CCN6: variants seen among roughly 807,000 people sequenced by gnomAD.
CCN6 encodes the protein CCN family member 6.
CCN6 carries 31 observed loss-of-function variants against 37.4 expected under a neutral mutation model. The observed-to-expected ratio is 0.83, with a 90% CI of 0.62 to 1.12. The LOEUF (loss-of-function observed/expected upper bound fraction) is 1.12. Ranked by LOEUF, CCN6 falls within the 50% of genes most tolerant of loss-of-function variation. The pLI is 0.00. For missense variants in CCN6, 369 were observed against 413.8 expected (o/e 0.89, Z 0.94); for synonymous variants, 137 against 142.1 (o/e 0.96, Z 0.26).
chr6:112,065,782 C>T (rs1262553544), intron 3 of CCN6, among the ~76,000 whole-genome samples: 1 of 152,038 alleles, frequency 6.6e-6, no homozygotes, highest in Non-Finnish European at 1.5e-5. Flanking sequence ...ACTTATAAAC[C>T]TTGTATTCTG....
chr6:112,058,572 G>C (rs1206014646), intron 1 of CCN6, among the ~76,000 whole-genome samples: 1 of 152,172 alleles, frequency 6.6e-6, no homozygotes, highest in Non-Finnish European at 1.5e-5. Context: ...GTGCAAGGCA[G>C]GGAAGTTATA....
At chr6:112,057,473 C>T (rs782515692) in intron 1 of CCN6, among the ~76,000 whole-genome samples, 8 of 152,090 alleles carry the variant, frequency 5.3e-5, no homozygotes, top group African/African-American at 9.7e-5. Context: ...TCTGGGAAGA[C>T]GAGGACAATA....
At position 112,054,238 on chromosome 6, in the gene CCN6, T is replaced by C; in HGVS notation, c.-120T>C. Reference sequence around the variant, plus strand: ...TTGGTAGTGTGGGAGGTAGAGGGTGTGTGTTCTTGTGCAGAGGAGCGTGGG... The same window carrying C: ...TTGGTAGTGTGGGAGGTAGAGGGTGCGTGTTCTTGTGCAGAGGAGCGTGGG... On this transcript the variant is annotated 5_prime_UTR_variant, in exon 1 of 5. Transcript: ENST00000368666. The C allele has an allele frequency of 3.7e-6, 5 of 1,336,228 alleles. No homozygotes were observed. The highest frequency in any genetic ancestry group is 4.3e-6 in the Non-Finnish European group (4 of 926,514). 82.8% of individuals were successfully genotyped at this position (1,336,228 alleles called of 1,614,324 possible).
At chr6:112,052,904 G>A (rs1776250238), upstream of CCN6, among the ~76,000 whole-genome samples, 1 of 152,206 alleles carries the variant, frequency 6.6e-6, no homozygotes, top group African/African-American at 2.4e-5. Flanking sequence ...TCTCTGTGGT[G>A]GAGGACAGCC....
At chr6:112,053,038 A>G (rs1416652357), upstream of CCN6, among the ~76,000 whole-genome samples, 1 of 152,180 alleles carries the variant, frequency 6.6e-6, no homozygotes, top group African/African-American at 2.4e-5. Context: ...GCAGCAGGAA[A>G]AGGAGGGATA....
intron 1 of CCN6, 79 bp downstream of exon 1, chr6:112,054,484 C>T (rs1776286277): frequency 7.3e-7 from 1 of 1,366,252 alleles, no homozygotes; most frequent in Non-Finnish European, 1.0e-6. Flanking sequence ...CTAAACAAAA[C>T]GAAGATGGAG....
In CCN6 at chr6:112,069,638, A is replaced by G. The variant is rs1554314820; in HGVS notation, c.*18A>G. 6.2e-7 allele frequency: 1 copy of G among 1,613,150 alleles called. No homozygotes were observed. The highest frequency in any genetic ancestry group is 8.5e-7 in the Non-Finnish European group (1 of 1,179,496). ...TTCTGTAAAACCAAGCAAATGGGGG[A>G]AAAGTTAGTCAATCCTGTCATATAA... On this transcript the variant is annotated 3_prime_UTR_variant, in exon 5 of 5. Coordinates refer to ENST00000368666, the MANE Select transcript of CCN6 (RefSeq NM_198239.2).
At chr6:112,055,313 T>C (rs1006900230) in intron 1 of CCN6, among the ~76,000 whole-genome samples, 22 of 152,214 alleles carry the variant, frequency 1.4e-4, no homozygotes, top group African/African-American at 5.3e-4. Context: ...CCCCTGTCTG[T>C]GTGCCTCCTA....
At chr6:112,069,304 T>C in intron 4 of CCN6, 35 bp from the exon 5 acceptor site, 1 of 1,602,386 alleles carries the variant, frequency 6.2e-7, no homozygotes. Context: ...TGTAATAAAA[T>C]TTAAAGAATG....
chr6:112,063,733 A>C lies in CCN6; in HGVS notation c.347-1022A>C, dbSNP rs111295351. ...TCTTCAAAAAAAATTTCCAAAATAC[A>C]CAAGTCTGAATAACCAGTTTATCAT... On this transcript the variant is annotated intron_variant, in intron 2 of 4. Transcript: ENST00000368666. Among the ~76,000 whole-genome samples the C allele has an allele frequency of 3.2e-3, 491 of 152,302 alleles. 6 individuals are homozygous for C. The highest frequency in any genetic ancestry group is 0.011 in the African/African-American group (468 of 41,580).
chr6:112,064,924 G>A lies in CCN6; in HGVS notation c.516G>A (p.Lys172=), dbSNP rs1776634163. ...ACTGCTCTGGAGCTAAAGGTGGAAA[G>A]AAGTCTGATCAGTCAAACTGTAGCC... The part of the protein sequence containing the change: ...GSHCSGAKGG[K]KSDQSNCSLE... The change falls in exon 3 of 5, where the codon AAG becomes AAA. Residue 172 remains lysine (K), a synonymous_variant. Coordinates refer to ENST00000368666, the MANE Select transcript of CCN6 (RefSeq NM_198239.2). 3.1e-6 allele frequency: 5 copies of A among 1,614,098 alleles called. No homozygotes were observed. Among genetic ancestry groups the A allele is most frequent in the Non-Finnish European group, 4.2e-6 (5 of 1,179,966 alleles).
chr6:112,058,269 T>C (rs781784915), intron 1 of CCN6, among the ~76,000 whole-genome samples: 88 of 152,318 alleles, frequency 5.8e-4, no homozygotes, highest in African/African-American at 2.0e-3. Flanking sequence ...GCATATGTGT[T>C]TTACCAGTAG....
chr6:112,061,914 AGGGAAGAGAAACACTC>A (rs1554312950), intron 2 of CCN6, among the ~76,000 whole-genome samples: 1 of 152,236 alleles, frequency 6.6e-6, no homozygotes, highest in African/African-American at 2.4e-5. Flanking sequence ...AAAATTTATA[AGGGAAGAGAAACACTC>A]ATGTCACCTG....
chr6:112,068,200 TTTAGC>T lies in CCN6; in HGVS notation c.590-1_593del. 4 of 1,608,204 alleles carry T rather than the reference TTTAGC, an allele frequency of 2.5e-6. No individual in the cohort carries two copies. The highest frequency in any genetic ancestry group is 3.4e-6 in the Non-Finnish European group (4 of 1,177,664). On this transcript the variant is annotated splice_acceptor_variant and splice_polypyrimidine_tract_variant and coding_sequence_variant and intron_variant, in exon 4 of 5. Coordinates refer to ENST00000368666, the MANE Select transcript of CCN6 (RefSeq NM_198239.2). LOFTEE classifies it high-confidence loss of function. ...TACATATGTACTTTTCTCCCTTTGT[TTTAGC>T]TTATAGAAATCTCCCACTTATTTGG...
chr6:112,069,374 A>G lies in CCN6; in HGVS notation c.819A>G (p.Gln273=). The change falls in exon 5 of 5, where the codon CAA becomes CAG. Residue 273 remains glutamine, a synonymous_variant. Coordinates refer to ENST00000368666, the MANE Select transcript of CCN6 (RefSeq NM_198239.2). ...GAAAAACATGCCAACCTACTTTCCAACTCTCCAAAGCTGAAAAATTTGTCT... is the reference window on the plus strand; with the variant it reads ...GAAAAACATGCCAACCTACTTTCCAGCTCTCCAAAGCTGAAAAATTTGTCT... ...PKGKTCQPTF[Q]LSKAEKFVFS... 2.5e-6 allele frequency: 4 copies of G among 1,613,500 alleles called. No homozygotes were observed. Among genetic ancestry groups the G allele is most frequent in the Non-Finnish European group, 3.4e-6 (4 of 1,179,840 alleles).
intron 1 of CCN6, among the ~76,000 whole-genome samples, chr6:112,057,352 A>G (rs1230348): frequency 0.73 from 111,342 of 152,168 alleles, 41,015 homozygotes; most frequent in East Asian, 0.85. Flanking sequence ...TTCCTCCAGG[A>G]GCAACATAGT....
upstream of CCN6, chr6:112,053,950 A>G: frequency 2.6e-6 from 1 of 377,736 alleles, no homozygotes; most frequent in Non-Finnish European, 5.1e-6. Context: ...GGGCAAACAC[A>G]GATGGAGAAG....
upstream of CCN6, among the ~76,000 whole-genome samples, chr6:112,053,496 G>A (rs945454783): frequency 2.1e-4 from 32 of 151,068 alleles, no homozygotes; most frequent in African/African-American, 7.3e-4. Flanking sequence ...TAGCAGAGAC[G>A]GGATTTCATC....
At chr6:112,068,514 A>G in intron 4 of CCN6, 116 bp downstream of exon 4, 1 of 967,114 alleles carries the variant, frequency 1.0e-6, no homozygotes, top group East Asian at 2.7e-5. Flanking sequence ...AAAGCATCTC[A>G]TTATAATGCT....
Sources: allele counts gnomAD v4.1 joint callset (sites outside exome capture counted in the v4.1 genomes callset), GRCh38; gene constraint gnomAD v4.1.1; transcripts MANE v1.5; gene names NCBI Gene and HGNC (gene_info 2026-07-23, HGNC 2026-07-21).